INPP5D: variants seen among roughly 807,000 people sequenced by gnomAD.
INPP5D encodes inositol polyphosphate-5-phosphatase D, also known as phosphatidylinositol 3,4,5-trisphosphate 5-phosphatase 1.
Under a neutral mutation model 122.9 loss-of-function variants are expected in INPP5D, and 33 were observed. The observed-to-expected ratio is 0.27, with a 90% CI of 0.20 to 0.36. The LOEUF is 0.36. Among genes scored for constraint, INPP5D ranks in the 10% least tolerant of loss-of-function variants. The probability of loss-of-function intolerance (pLI) is 1.00; values close to 1 mark genes in which losing one functional copy is unlikely to be tolerated. For missense variants in INPP5D, 1,053 were observed against 1,412.7 expected (o/e 0.75, Z 4.08); for synonymous variants, 584 against 576.2 (o/e 1.01, Z -0.19).
chr2:233,198,555 T>C (rs2106326369), intron 25 of INPP5D, among the ~76,000 whole-genome samples, 179 bp downstream of exon 25: 2 of 152,352 alleles, frequency 1.3e-5, no homozygotes, highest in South Asian at 4.1e-4. Context: ...GTCTTCCATG[T>C]CCTAACCTGT....
intron 4 of INPP5D, among the ~76,000 whole-genome samples, chr2:233,129,569 C>T (rs192187990): frequency 6.6e-5 from 10 of 152,308 alleles, no homozygotes; most frequent in Non-Finnish European, 1.3e-4. Context: ...GCCTTCAGCC[C>T]CATTCACTCT....
intron 18 of INPP5D, among the ~76,000 whole-genome samples, chr2:233,181,932 C>A (rs1006974727): frequency 6.6e-6 from 1 of 152,150 alleles, no homozygotes; most frequent in African/African-American, 2.4e-5. Flanking sequence ...CTCATCTCTA[C>A]AAAATGCACA....
intron 1 of INPP5D, among the ~76,000 whole-genome samples, chr2:233,070,906 T>C (rs6717732): frequency 0.039 from 5,909 of 152,290 alleles, 280 homozygotes; most frequent in African/African-American, 0.11. Flanking sequence ...ATGGGTTTTT[T>C]ACTTTTGTTT....
chr2:233,101,278 T>C (rs956970534), intron 2 of INPP5D, among the ~76,000 whole-genome samples: 7 of 152,196 alleles, frequency 4.6e-5, no homozygotes, highest in Non-Finnish European at 1.0e-4. Flanking sequence ...CACAACCAGC[T>C]CTTGGGGTTC....
At chr2:233,089,942 A>G (rs1185392497) in intron 2 of INPP5D, among the ~76,000 whole-genome samples, 2 of 152,160 alleles carry the variant, frequency 1.3e-5, no homozygotes, top group East Asian at 1.9e-4. Context: ...CTTCCAAAGA[A>G]CCCTCTGAGA....
At chr2:233,204,867 C>T (rs1346855865) in intron 26 of INPP5D, 150 bp downstream of exon 26, 18 of 1,201,596 alleles carry the variant, frequency 1.5e-5, no homozygotes, top group Non-Finnish European at 2.0e-5. Flanking sequence ...TGCACACATG[C>T]GAGTGATGGT....
At chr2:233,064,773 A>C (rs971259052) in intron 1 of INPP5D, among the ~76,000 whole-genome samples, 2 of 152,208 alleles carry the variant, frequency 1.3e-5, no homozygotes, top group African/African-American at 4.8e-5. Flanking sequence ...GCCGCAGAGA[A>C]GGGACTTGGG....
chr2:233,165,974 G>A (rs902634042), intron 13 of INPP5D, among the ~76,000 whole-genome samples: 2 of 152,086 alleles, frequency 1.3e-5, no homozygotes, highest in East Asian at 3.8e-4. Flanking sequence ...TCAGGAACAG[G>A]ACAGAGTCCC....
intron 9 of INPP5D, among the ~76,000 whole-genome samples, chr2:233,153,546 A>C (rs1315217234): frequency 2.0e-5 from 3 of 152,222 alleles, no homozygotes; most frequent in Non-Finnish European, 2.9e-5. Context: ...GGTGGAAGAA[A>C]AAACAGAGAC....
At chr2:233,072,821 A>G (rs1691415691) in intron 1 of INPP5D, among the ~76,000 whole-genome samples, 1 of 152,166 alleles carries the variant, frequency 6.6e-6, no homozygotes, top group Admixed American at 6.5e-5. Flanking sequence ...TCTCATTTCT[A>G]ACTGTTTGTG....
chr2:233,131,435 G>A (rs1414102815), intron 5 of INPP5D, among the ~76,000 whole-genome samples: 2 of 151,862 alleles, frequency 1.3e-5, no homozygotes, highest in South Asian at 2.1e-4. Flanking sequence ...GGTGGCTCAC[G>A]CCTGTAATAC....
In INPP5D at chr2:233,203,270, G is replaced by A. The variant is rs116594323; in HGVS notation, c.2976-856G>A. On this transcript the variant is annotated intron_variant, in intron 25 of 26. Coordinates refer to ENST00000445964, the MANE Select transcript of INPP5D (RefSeq NM_001017915.3). ...TTGCTGGAGTCAGAGGAGAGGCTGC[G>A]GGGTGGGGATGGGAGGAACCGGGAA... is the stretch of plus-strand genomic sequence containing the variant. Among the ~76,000 whole-genome samples, 618 of 152,284 alleles carry A rather than the reference G, an allele frequency of 4.1e-3. 3 individuals are homozygous for A. Among genetic ancestry groups the A allele is most frequent in the South Asian group, 9.1e-3 (44 of 4,824 alleles).
At chr2:233,187,324 G>A (rs1183286133) in intron 21 of INPP5D, among the ~76,000 whole-genome samples, 5 of 152,122 alleles carry the variant, frequency 3.3e-5, no homozygotes, top group African/African-American at 4.8e-5. Context: ...TTTCTTTCTC[G>A]CACCATGAGG....
Position 233,119,782 on chromosome 2 carries a change from C to T in INPP5D, c.199-2325C>T, listed in dbSNP as rs1231732693. 2.6e-5 allele frequency among the ~76,000 whole-genome samples: 4 copies of T among 152,284 alleles called. No individual in the cohort carries two copies. In the East Asian group the frequency reaches 5.8e-4, roughly 22 times the overall value. Reference sequence around the variant, plus strand: ...CTCACTAGGACTTGGAGTTAGCCACCCAGGCACAAGGGCTCGGGAACAGGT... The same window carrying T: ...CTCACTAGGACTTGGAGTTAGCCACTCAGGCACAAGGGCTCGGGAACAGGT... On this transcript the variant is annotated intron_variant, in intron 2 of 26. Coordinates refer to ENST00000445964, the MANE Select transcript of INPP5D (RefSeq NM_001017915.3).
Position 233,060,451 on chromosome 2 carries a change from G to T in INPP5D, c.-28G>T, listed in dbSNP as rs750747876. The T allele has an allele frequency of 3.8e-6, 6 of 1,571,990 alleles. No individual in the cohort carries two copies. Among genetic ancestry groups the T allele is most frequent in the Non-Finnish European group, 5.2e-6 (6 of 1,157,208 alleles). ...TGTGTGGGTCCTGGGGGTGCCTGCC[G>T]GCCCGGCCGAGGAGGCCCACGCCCA... On this transcript the variant is annotated 5_prime_UTR_variant, in exon 1 of 27. Coordinates refer to ENST00000445964, the MANE Select transcript of INPP5D (RefSeq NM_001017915.3).
chr2:233,066,412 A>G (rs557351147), intron 1 of INPP5D, among the ~76,000 whole-genome samples: 3 of 152,052 alleles, frequency 2.0e-5, no homozygotes, highest in African/African-American at 7.2e-5. Flanking sequence ...CATGCTGTGC[A>G]CTCCTGAGGA....
At chr2:233,158,811 C>T (rs144478195) in intron 10 of INPP5D, among the ~76,000 whole-genome samples, 8,985 of 152,104 alleles carry the variant, frequency 0.059, 889 homozygotes, top group African/African-American at 0.21. Context: ...GACAGCGTCT[C>T]GCTTTACCAT....
At chr2:233,103,795 C>T (rs551341964) in intron 2 of INPP5D, among the ~76,000 whole-genome samples, 2 of 149,906 alleles carry the variant, frequency 1.3e-5, no homozygotes, top group Admixed American at 6.7e-5. Flanking sequence ...CAACCTCTAC[C>T]TCCCAGGTTC....
chr2:233,098,738 T>G (rs892493441), intron 2 of INPP5D, among the ~76,000 whole-genome samples: 1 of 152,072 alleles, frequency 6.6e-6, no homozygotes, highest in Non-Finnish European at 1.5e-5. Context: ...CTGTCCTTCC[T>G]AATGGGGGTC....
Sources: allele counts gnomAD v4.1 joint callset (sites outside exome capture counted in the v4.1 genomes callset), GRCh38; gene constraint gnomAD v4.1.1; transcripts MANE v1.5; gene names NCBI Gene and HGNC (gene_info 2026-07-23, HGNC 2026-07-21).